SPIDR: variants seen among roughly 807,000 people sequenced by gnomAD.
SPIDR encodes the protein DNA repair-scaffolding protein.
SPIDR carries 93 observed loss-of-function variants against 104.6 expected under a neutral mutation model. That is an observed-to-expected ratio of 0.89 (90% confidence interval 0.75 to 1.06). SPIDR has a LOEUF of 1.06. Ranked by LOEUF, SPIDR falls within the 50% of genes least tolerant of loss-of-function variation. The pLI, the probability that SPIDR is intolerant of heterozygous loss-of-function variation, is 0.00. For synonymous variants in SPIDR, 431 were observed against 416.9 expected (o/e 1.03, Z -0.41); for missense variants, 1,154 against 1,111.2 (o/e 1.04, Z -0.55).
At chr8:47,380,112 A>C (rs1417061405) in intron 5 of SPIDR, among the ~76,000 whole-genome samples, 1 of 152,246 alleles carries the variant, frequency 6.6e-6, no homozygotes, top group Non-Finnish European at 1.5e-5. Flanking sequence ...TTATTTTTAA[A>C]ACATGCCATC....
At position 47,444,497 on chromosome 8, in the gene SPIDR, T is replaced by C. The variant is rs116994292; in HGVS notation, c.1097+3955T>C. Among the ~76,000 whole-genome samples the C allele has an allele frequency of 5.3e-3, 808 of 152,342 alleles. 9 individuals are homozygous for C. Among genetic ancestry groups the C allele is most frequent in the Non-Finnish European group, 8.5e-3 (578 of 68,030 alleles). ...CTATTGTCATGAGTATACCCTTCCA[T>C]CGGTCCATTCATATCGTCATCTTTT... On this transcript the variant is annotated intron_variant, in intron 8 of 19. Transcript: ENST00000297423.
intron 10 of SPIDR, among the ~76,000 whole-genome samples, chr8:47,635,839 G>C (rs939148002): frequency 5.3e-5 from 8 of 152,212 alleles, no homozygotes; most frequent in African/African-American, 1.9e-4. Context: ...GCTTCCCAGT[G>C]GGTGAAAATT....
rs551215421 is a variant in SPIDR at position 47,358,801 on chromosome 8, T to C, written c.526-37575T>C. The stretch of plus-strand genomic sequence containing the variant: ...CTTTTATGGGCTTTAGTCCTGCCCA[T>C]TGGTATTTACATTTAGGAAGTTAGG... On this transcript the variant is annotated intron_variant, in intron 5 of 19. Coordinates refer to ENST00000297423, the MANE Select transcript of SPIDR (RefSeq NM_001080394.4). 8.3e-4 allele frequency among the ~76,000 whole-genome samples: 126 copies of C among 152,328 alleles called. No individual in the cohort carries two copies. The Middle Eastern group carries it at 0.01, about 12-fold the overall frequency.
At chr8:47,725,967 G>A (rs748230715) in intron 16 of SPIDR, among the ~76,000 whole-genome samples, 15 of 152,248 alleles carry the variant, frequency 9.9e-5, no homozygotes, top group Non-Finnish European at 1.6e-4. Flanking sequence ...ACCAGTGAGT[G>A]GGCCTTTGGT....
intron 6 of SPIDR, among the ~76,000 whole-genome samples, chr8:47,398,347 G>C (rs2061473384): frequency 1.3e-5 from 2 of 152,166 alleles, no homozygotes; most frequent in Non-Finnish European, 2.9e-5. Flanking sequence ...GAGAGCAAAG[G>C]TGAATGGAGC....
At chr8:47,393,847 T>TTC (rs374065930) in intron 5 of SPIDR, among the ~76,000 whole-genome samples, 13 of 116,238 alleles carry the variant, frequency 1.1e-4, no homozygotes, top group African/African-American at 5.6e-4. Context: ...CCCTTTCCCT[T>TTC]CCTTCCTTCC....
chr8:47,289,197 GA>G (rs2039449898), intron 3 of SPIDR, among the ~76,000 whole-genome samples: 1 of 152,026 alleles, frequency 6.6e-6, no homozygotes, highest in African/African-American at 2.4e-5. Flanking sequence ...TTTTTGTAGA[GA>G]TTGGGTCTCA....
At chr8:47,404,584 A>G (rs1325449680) in intron 6 of SPIDR, among the ~76,000 whole-genome samples, 1 of 152,276 alleles carries the variant, frequency 6.6e-6, no homozygotes, top group East Asian at 1.9e-4. Flanking sequence ...TATGCAGCCA[A>G]TAGACACATG....
intron 14 of SPIDR, among the ~76,000 whole-genome samples, chr8:47,704,071 A>T (rs775079411): frequency 6.6e-6 from 1 of 152,342 alleles, no homozygotes; most frequent in South Asian, 2.1e-4. Flanking sequence ...GTGATATGTT[A>T]GTAACTGTCA....
At chr8:47,263,308 C>T (rs899526997) in intron 1 of SPIDR, among the ~76,000 whole-genome samples, 1 of 152,204 alleles carries the variant, frequency 6.6e-6, no homozygotes, top group African/African-American at 2.4e-5. Flanking sequence ...TACTGCGTCA[C>T]TGTACTTGCT....
At chr8:47,404,033 T>C (rs1170469528) in intron 6 of SPIDR, among the ~76,000 whole-genome samples, 1 of 152,050 alleles carries the variant, frequency 6.6e-6, no homozygotes, top group Admixed American at 6.6e-5. Context: ...ACAGAGCCTT[T>C]GAAAATAATA....
At chr8:47,410,631 GC>G (rs2063380432) in intron 7 of SPIDR, among the ~76,000 whole-genome samples, 1 of 151,656 alleles carries the variant, frequency 6.6e-6, no homozygotes, top group East Asian at 1.9e-4. Flanking sequence ...CATAAAGTTT[GC>G]CTGGTCTTAT....
chr8:47,440,326 G>A lies in SPIDR; in HGVS notation c.881G>A (p.Arg294Lys), dbSNP rs200598685. The A allele has an allele frequency of 8.6e-4, 1,382 of 1,613,786 alleles. 11 individuals are homozygous for A. The highest frequency in any genetic ancestry group is 6.9e-3 in the South Asian group (630 of 91,066). The change falls in exon 8 of 20, where the codon AGA becomes AAA. Residue 294 changes from arginine (R) to lysine (K), a missense_variant. Coordinates refer to ENST00000297423, the MANE Select transcript of SPIDR (RefSeq NM_001080394.4). ...CISYQKTLSG[R>K]KSGVLTVKIL... ...TGTTCTTTTCTTCAACTTCTAGGTA[G>A]AAAATCTGGTGTATTAACTGTGAAA...
chr8:47,538,857 CTTTTTTT>C (rs1161571829), intron 8 of SPIDR, among the ~76,000 whole-genome samples: 11 of 100,866 alleles, frequency 1.1e-4, no homozygotes, highest in South Asian at 3.4e-4. Context: ...TTTTTCTTTT[CTTTTTTT>C]TTTTTTTTTT....
chr8:47,647,653 A>AGAGAGAGG, intron 10 of SPIDR, among the ~76,000 whole-genome samples: 1 of 89,212 alleles, frequency 1.1e-5, no homozygotes, highest in Admixed American at 1.2e-4. Flanking sequence ...AGAGAGAGAG[A>AGAGAGAGG]GGGAGAGAGA....
chr8:47,433,059 T>A (rs1352905431), intron 7 of SPIDR, among the ~76,000 whole-genome samples: 1 of 152,212 alleles, frequency 6.6e-6, no homozygotes, highest in African/African-American at 2.4e-5. Flanking sequence ...TGTCTAGAAA[T>A]CTTTACTGTC....
intron 8 of SPIDR, among the ~76,000 whole-genome samples, chr8:47,467,525 G>T (rs1056427042): frequency 6.6e-6 from 1 of 152,196 alleles, no homozygotes; most frequent in African/African-American, 2.4e-5. Flanking sequence ...GATCAAGTTG[G>T]CTTTATCCCT....
intron 5 of SPIDR, among the ~76,000 whole-genome samples, chr8:47,340,610 AAAC>A (rs767447221): frequency 2.6e-5 from 4 of 152,106 alleles, no homozygotes; most frequent in African/African-American, 9.7e-5. Context: ...TGAAAAAACA[AAAC>A]AACAACAACC....
chr8:47,676,702 C>T (rs1421181733), intron 11 of SPIDR, among the ~76,000 whole-genome samples: 1 of 152,190 alleles, frequency 6.6e-6, no homozygotes, highest in Non-Finnish European at 1.5e-5. Flanking sequence ...TATGTTTGGG[C>T]TAAGTCACAG....
Sources: allele counts gnomAD v4.1 joint callset (sites outside exome capture counted in the v4.1 genomes callset), GRCh38; gene constraint gnomAD v4.1.1; transcripts MANE v1.5; gene names NCBI Gene and HGNC (gene_info 2026-07-23, HGNC 2026-07-21).